Variants in ESYT2 observed in about 807,000 individuals in gnomAD.
The protein encoded by ESYT2 is extended synaptotagmin-2.
Under a neutral mutation model 107.2 loss-of-function variants are expected in ESYT2, and 54 were observed. That is an observed-to-expected ratio of 0.50 (90% confidence interval 0.40 to 0.63). The LOEUF is 0.63. Among genes scored for constraint, ESYT2 ranks in the 30% least tolerant of loss-of-function variants. ESYT2 has a pLI of 0.00. For missense variants in ESYT2, 1,020 were observed against 1,094.5 expected (o/e 0.93, Z 0.96); for synonymous variants, 491 against 434.1 (o/e 1.13, Z -1.63).
intron 7 of ESYT2, among the ~76,000 whole-genome samples, chr7:158,771,616 G>A (rs919799849): frequency 2.0e-5 from 3 of 152,170 alleles, no homozygotes; most frequent in African/African-American, 7.2e-5. Context: ...CGAGGGACAC[G>A]CCCACCCTGC....
In ESYT2 at chr7:158,760,601, G is replaced by A. The variant is rs74347867; in HGVS notation, c.1234-454C>T. 4.8e-3 allele frequency among the ~76,000 whole-genome samples: 729 copies of A among 152,312 alleles called. 43 individuals are homozygous for A. The East Asian group carries it at 0.12, about 24-fold the overall frequency. ...CTCCCCAGCAGCTGGGACCACAGGT[G>A]TAGGCAAGCATGCTCCACCAAATGG... On this transcript the variant is annotated intron_variant, in intron 11 of 22. Coordinates refer to ENST00000275418, the MANE Select transcript of ESYT2 (RefSeq NM_001367773.1).
chr7:158,759,426 A>T, intron 13 of ESYT2, 60 bp downstream of exon 13: 1 of 1,352,576 alleles, frequency 7.4e-7, no homozygotes, highest in African/African-American at 1.4e-5. Context: ...AGCAGTGGTT[A>T]TAAGCAAGAG....
chr7:158,824,763 T>C (rs1052418428), intron 1 of ESYT2, among the ~76,000 whole-genome samples: 1 of 151,984 alleles, frequency 6.6e-6, no homozygotes, highest in African/African-American at 2.4e-5. Flanking sequence ...CAGGATAGAG[T>C]CAGACTTTAT....
chr7:158,736,942 C>G (rs970525305), intron 20 of ESYT2, 106 bp downstream of exon 20: 6 of 1,469,802 alleles, frequency 4.1e-6, no homozygotes, highest in Non-Finnish European at 4.6e-6. Context: ...TTGAACTTCT[C>G]AACAGCTGAT....
chr7:158,818,265 T>C (rs1462527476), intron 1 of ESYT2, among the ~76,000 whole-genome samples: 1 of 152,236 alleles, frequency 6.6e-6, no homozygotes, highest in Non-Finnish European at 1.5e-5. Context: ...AGATTAGCCA[T>C]GTCCTTGGAA....
rs986043042 is a variant in ESYT2 at position 158,733,573 on chromosome 7, T to C, written c.*634A>G. The C allele has an allele frequency of 6.6e-6, 1 of 152,250 alleles. No homozygotes were observed. The highest frequency in any genetic ancestry group is 1.5e-5 in the Non-Finnish European group (1 of 68,048). 9.4% of individuals were successfully genotyped at this position (152,250 alleles called of 1,614,324 possible). On this transcript the variant is annotated 3_prime_UTR_variant, in exon 23 of 23. Coordinates refer to ENST00000275418, the MANE Select transcript of ESYT2 (RefSeq NM_001367773.1). ...CATTTTTCCTTATAAGCCCTTCAAC[T>C]TACTTCTCAATAATACATCCTTATA...
At position 158,755,458 on chromosome 7, in the gene ESYT2, G is replaced by A. The variant is rs570951350; in HGVS notation, c.1420-2615C>T. Among the ~76,000 whole-genome samples, 22 of 152,260 alleles carry A rather than the reference G, an allele frequency of 1.4e-4. No homozygotes were observed. In the East Asian group the frequency reaches 3.9e-3, roughly 27 times the overall value. On this transcript the variant is annotated intron_variant, in intron 13 of 22. Transcript: ENST00000275418. ...ACAAGGTCAGAGACACTTCCTTTCT[G>A]CAAAAGGAAGCAGTTGTAGAATGGG...
intron 4 of ESYT2, among the ~76,000 whole-genome samples, chr7:158,789,308 C>T (rs952624233): frequency 6.6e-6 from 1 of 152,050 alleles, no homozygotes; most frequent in African/African-American, 2.4e-5. Context: ...TAACCTGTTG[C>T]GAAACTATTA....
At chr7:158,787,250 G>A (rs1170439427) in intron 6 of ESYT2, among the ~76,000 whole-genome samples, 3 of 152,190 alleles carry the variant, frequency 2.0e-5, no homozygotes, top group Admixed American at 6.5e-5. Flanking sequence ...CACAGTATAC[G>A]TTCCACATCC....
intron 3 of ESYT2, among the ~76,000 whole-genome samples, chr7:158,796,320 T>C (rs7790860): frequency 0.13 from 19,395 of 152,252 alleles, 1,391 homozygotes; most frequent in African/African-American, 0.2. Flanking sequence ...GAGGCTTTTA[T>C]GAAAGGTGGT....
intron 1 of ESYT2, among the ~76,000 whole-genome samples, chr7:158,826,126 C>G (rs1340919283): frequency 6.6e-6 from 1 of 152,160 alleles, no homozygotes; most frequent in Non-Finnish European, 1.5e-5. Context: ...ACCACCCCCA[C>G]CACCCCTGCC....
At chr7:158,797,126 A>T (rs891462946) in intron 3 of ESYT2, among the ~76,000 whole-genome samples, 1 of 152,176 alleles carries the variant, frequency 6.6e-6, no homozygotes, top group East Asian at 2.0e-4. Context: ...CTTGGTGAAC[A>T]ATTTTCTTCA....
chr7:158,814,495 T>G (rs913320874), intron 1 of ESYT2, among the ~76,000 whole-genome samples: 27 of 151,966 alleles, frequency 1.8e-4, no homozygotes, highest in Non-Finnish European at 3.8e-4. Flanking sequence ...ATCTAAAACA[T>G]TTAAAAATAT....
intron 1 of ESYT2, among the ~76,000 whole-genome samples, chr7:158,805,767 A>G (rs772826243): frequency 1.3e-5 from 2 of 152,228 alleles, no homozygotes; most frequent in Non-Finnish European, 2.9e-5. Context: ...TTTTACATTA[A>G]TGAGAAATTT....
chr7:158,759,395 G>C, intron 13 of ESYT2, 91 bp downstream of exon 13: 1 of 959,754 alleles, frequency 1.0e-6, no homozygotes, highest in Admixed American at 2.2e-5. Flanking sequence ...AAGAGAACAG[G>C]TGATGCAGAG....
At chr7:158,738,460 T>C (rs1837062365) in intron 19 of ESYT2, among the ~76,000 whole-genome samples, 1 of 151,546 alleles carries the variant, frequency 6.6e-6, no homozygotes, top group African/African-American at 2.4e-5. Flanking sequence ...TTGTGTATTT[T>C]TTTTTCTTTT....
intron 1 of ESYT2, among the ~76,000 whole-genome samples, chr7:158,814,636 T>C (rs66942830): frequency 0.11 from 17,435 of 152,118 alleles, 1,705 homozygotes; most frequent in East Asian, 0.55. Flanking sequence ...AAACTCCCAC[T>C]GGCTAACAAG....
chr7:158,744,031 G>A (rs1318465550), intron 16 of ESYT2: 30 of 192,258 alleles, frequency 1.6e-4, no homozygotes, highest in South Asian at 9.6e-4. Context: ...CTGATATCGC[G>A]CCACTGCACT....
At chr7:158,821,674 G>T (rs1840289284) in intron 1 of ESYT2, among the ~76,000 whole-genome samples, 2 of 152,156 alleles carry the variant, frequency 1.3e-5, no homozygotes, top group South Asian at 4.1e-4. Flanking sequence ...GGGTCTAGTG[G>T]GACCACTTCC....
Sources: gnomAD v4.1 joint callset for allele counts (sites outside exome capture counted in the v4.1 genomes callset) on GRCh38, gnomAD v4.1.1 for gene constraint, MANE v1.5 for transcripts, NCBI Gene and HGNC (gene_info 2026-07-23, HGNC 2026-07-21) for gene names.